Variants in ZFHX3 observed in about 807,000 individuals in gnomAD.
The protein encoded by ZFHX3 is zinc finger homeobox 3, also known as zinc finger homeobox protein 3.
Under a neutral mutation model 279.1 loss-of-function variants are expected in ZFHX3, and 42 were observed. The ratio of observed to expected loss-of-function variants is 0.15; its 90% CI spans 0.12 to 0.19. The LOEUF is 0.19. Ranked by LOEUF, ZFHX3 falls within the 10% of genes least tolerant of loss-of-function variation. The pLI is 1.00. For missense variants in ZFHX3, 4,981 were observed against 4,754.0 expected, an observed-to-expected ratio of 1.05 and a Z score of -1.40; for synonymous variants, 2,293 against 1,957.8, an observed-to-expected ratio of 1.17 and a Z score of -4.52.
chr16:73,155,180 C>CAA (rs780941621), intron 5 of ZFHX3, among the ~76,000 whole-genome samples: 8,192 of 105,104 alleles, frequency 0.078, 333 homozygotes, highest in Admixed American at 0.12. Context: ...CTCAAAAAAA[C>CAA]AAAAAAAAAA....
At chr16:73,523,547 T>C (rs997119879) in intron 2 of ZFHX3, among the ~76,000 whole-genome samples, 1 of 151,706 alleles carries the variant, frequency 6.6e-6, no homozygotes, top group East Asian at 1.9e-4. Context: ...AAATGGCCCC[T>C]CACCCTGGAT....
chr16:72,792,524 T>TCAAAC (rs1433798855), intron 9 of ZFHX3, among the ~76,000 whole-genome samples: 2 of 152,082 alleles, frequency 1.3e-5, no homozygotes, highest in Non-Finnish European at 2.9e-5. Flanking sequence ...TGGCACAATC[T>TCAAAC]CAAACCACTG....
intron 5 of ZFHX3, among the ~76,000 whole-genome samples, chr16:73,235,703 C>T (rs147068263): frequency 2.6e-5 from 4 of 152,008 alleles, no homozygotes; most frequent in Admixed American, 6.5e-5. Flanking sequence ...GATAGCATCT[C>T]GCTCTGTCGC....
At chr16:73,673,297 A>G (rs1373370155) in intron 2 of ZFHX3, among the ~76,000 whole-genome samples, 4 of 152,200 alleles carry the variant, frequency 2.6e-5, no homozygotes, top group East Asian at 1.9e-4. Context: ...GTCGTAAGTT[A>G]TGGGTATTCA....
At chr16:73,046,575 G>C (rs1355566114) in intron 1 of ZFHX3, among the ~76,000 whole-genome samples, 1 of 152,024 alleles carries the variant, frequency 6.6e-6, no homozygotes, top group Non-Finnish European at 1.5e-5. Context: ...AGGAATGAGG[G>C]AACTCGAGGG....
intron 1 of ZFHX3, among the ~76,000 whole-genome samples, chr16:73,035,089 C>T (rs1468191893): frequency 6.6e-6 from 1 of 152,124 alleles, no homozygotes; most frequent in Non-Finnish European, 1.5e-5. Context: ...GAGCCTGTGA[C>T]ATGTGGCTTG....
chr16:73,858,316 G>A (rs569104751), intron 1 of ZFHX3, among the ~76,000 whole-genome samples: 5 of 152,242 alleles, frequency 3.3e-5, no homozygotes, highest in South Asian at 2.1e-4. Flanking sequence ...GAACCCCTGG[G>A]AAGACCTGAA....
rs80339012 is a variant in ZFHX3, at chr16:73,598,493, C to G, written c.-1547+81687G>C. ...AGCGTAGTGGCGTGATCTTGACTCA[C>G]TACAGCCTCAAACTCTCAGGCTCAA... On this transcript the variant is annotated intron_variant, in intron 2 of 17. Transcript: ENST00000641206. 3.6e-3 allele frequency among the ~76,000 whole-genome samples: 548 copies of G among 151,314 alleles called. 8 individuals carry two copies. The highest frequency in any genetic ancestry group is 0.013 in the African/African-American group (524 of 41,176).
chr16:72,896,618 C>A (rs577919803), intron 3 of ZFHX3, among the ~76,000 whole-genome samples: 1 of 152,318 alleles, frequency 6.6e-6, no homozygotes, highest in South Asian at 2.1e-4. Context: ...AAAGAGGGCT[C>A]TTGTTAGAAA....
At chr16:73,082,459 T>G (rs201842577) in intron 8 of ZFHX3, among the ~76,000 whole-genome samples, 1 of 151,832 alleles carries the variant, frequency 6.6e-6, no homozygotes, top group Non-Finnish European at 1.5e-5. Context: ...TTAGTAGAGA[T>G]GGGGTTTCAC....
At chr16:73,472,191 A>G (rs959712542) in intron 2 of ZFHX3, among the ~76,000 whole-genome samples, 1 of 151,804 alleles carries the variant, frequency 6.6e-6, no homozygotes, top group Admixed American at 6.6e-5. Flanking sequence ...AGGGAGAATT[A>G]TCAAAAGCCC....
At chr16:73,024,386 T>C (rs1205384683) in intron 1 of ZFHX3, among the ~76,000 whole-genome samples, 1 of 152,006 alleles carries the variant, frequency 6.6e-6, no homozygotes, top group African/African-American at 2.4e-5. Context: ...AGGCAAAGTC[T>C]CCACTCCCCT....
intron 1 of ZFHX3, among the ~76,000 whole-genome samples, chr16:72,999,096 C>A (rs1332474059): frequency 6.6e-6 from 1 of 152,178 alleles, no homozygotes; most frequent in Admixed American, 6.5e-5. Context: ...GTCACATGTA[C>A]GCTACAGACA....
At chr16:73,155,082 G>C (rs1037535792) in intron 5 of ZFHX3, among the ~76,000 whole-genome samples, 1 of 149,038 alleles carries the variant, frequency 6.7e-6, no homozygotes, top group Non-Finnish European at 1.5e-5. Context: ...TGAGGCACAA[G>C]AATCGCTTGA....
chr16:73,580,790 T>C (rs2143823362), intron 2 of ZFHX3, among the ~76,000 whole-genome samples: 1 of 151,954 alleles, frequency 6.6e-6, no homozygotes, highest in Middle Eastern at 3.4e-3. Flanking sequence ...TCCTTATTCT[T>C]TCTGATGCTC....
At chr16:73,774,968 C>A (rs1452830289) in intron 1 of ZFHX3, among the ~76,000 whole-genome samples, 1 of 152,172 alleles carries the variant, frequency 6.6e-6, no homozygotes, top group Admixed American at 6.5e-5. Flanking sequence ...CAATCCAGGA[C>A]CCTGGTCTAA....
chr16:73,345,586 C>T (rs185612994), intron 3 of ZFHX3, among the ~76,000 whole-genome samples: 31 of 152,298 alleles, frequency 2.0e-4, no homozygotes, highest in Middle Eastern at 6.8e-3. Context: ...CTTTTTATGG[C>T]TGCATCATAT....
chr16:73,385,773 G>A (rs545675203), intron 3 of ZFHX3, among the ~76,000 whole-genome samples: 1 of 152,220 alleles, frequency 6.6e-6, no homozygotes, highest in Non-Finnish European at 1.5e-5. Flanking sequence ...AGGGGCCTGG[G>A]CAGGATGGCT....
chr16:73,360,005 A>G (rs1245355718), intron 3 of ZFHX3, among the ~76,000 whole-genome samples: 4 of 152,176 alleles, frequency 2.6e-5, no homozygotes, highest in African/African-American at 7.2e-5. Flanking sequence ...TGAGTAAGAC[A>G]TAATGCAGTG....
Sources: allele counts gnomAD v4.1 joint callset (sites outside exome capture counted in the v4.1 genomes callset), GRCh38; gene constraint gnomAD v4.1.1; transcripts MANE v1.5; gene names NCBI Gene and HGNC (gene_info 2026-07-23, HGNC 2026-07-21).